Variants in MAGI2 observed in about 807,000 individuals in gnomAD.
MAGI2 encodes the protein membrane associated guanylate kinase, WW and PDZ domain containing 2, also known as membrane-associated guanylate kinase, WW and PDZ domain-containing protein 2.
MAGI2 carries 35 observed loss-of-function variants against 133.3 expected under a neutral mutation model. The observed-to-expected ratio is 0.26, with a 90% CI of 0.20 to 0.35. MAGI2 has a LOEUF of 0.35. MAGI2 is among the 10% of genes least tolerant of loss of function. The probability of loss-of-function intolerance (pLI) is 1.00; values close to 1 mark genes in which losing one functional copy is unlikely to be tolerated. For synonymous variants in MAGI2, 729 were observed against 710.6 expected, an observed-to-expected ratio of 1.03 and a Z score of -0.41; for missense variants, 1,636 against 1,863.4, an observed-to-expected ratio of 0.88 and a Z score of 2.25.
chr7:79,221,857 G>T (rs1585240767), intron 1 of MAGI2, among the ~76,000 whole-genome samples: 1 of 152,004 alleles, frequency 6.6e-6, no homozygotes, highest in Non-Finnish European at 1.5e-5. Context: ...ACACAGGAAA[G>T]ATGGATTGAT....
At chr7:78,738,424 T>C (rs1822077573) in intron 2 of MAGI2, among the ~76,000 whole-genome samples, 1 of 152,178 alleles carries the variant, frequency 6.6e-6, no homozygotes. Context: ...ATTTATGTTA[T>C]TTCAGGTAAA....
chr7:78,288,159 C>A (rs780493803), intron 9 of MAGI2, among the ~76,000 whole-genome samples: 6 of 152,130 alleles, frequency 3.9e-5, no homozygotes, highest in Non-Finnish European at 7.3e-5. Context: ...CCTGTAAATC[C>A]AGCAGTGCTT....
At chr7:78,901,140 A>T (rs1270486549) in intron 2 of MAGI2, 1 of 152,118 alleles carries the variant, frequency 6.6e-6, no homozygotes, top group Non-Finnish European at 1.5e-5. Flanking sequence ...TGTGAAAAAG[A>T]CCCCACTGTA....
At position 78,178,253 on chromosome 7, in the gene MAGI2, T is replaced by A. The variant is rs995735815; in HGVS notation, c.2312-151A>T. ...GAAACCATAGAGGATACAAAAAATA[T>A]GGCAGCAAAAAAGTAGGTGTTCCAA... is the stretch of plus-strand genomic sequence containing the variant. On this transcript the variant is annotated intron_variant, in intron 13 of 21. Coordinates refer to ENST00000354212, the MANE Select transcript of MAGI2 (RefSeq NM_012301.4). 1.7e-5 allele frequency: 9 copies of A among 536,952 alleles called. No individual in the cohort carries two copies. The Admixed American group carries it at 2.3e-4, about 13-fold the overall frequency. 33.3% of individuals were successfully genotyped at this position (536,952 alleles called of 1,614,324 possible).
chr7:78,937,688 T>C (rs1487883029), intron 2 of MAGI2, among the ~76,000 whole-genome samples: 1 of 152,124 alleles, frequency 6.6e-6, no homozygotes, highest in African/African-American at 2.4e-5. Flanking sequence ...ATTTAGTAGT[T>C]ACAGTGCAGT....
chr7:79,230,379 A>G (rs1256137014), intron 1 of MAGI2, among the ~76,000 whole-genome samples: 2 of 152,096 alleles, frequency 1.3e-5, no homozygotes, highest in South Asian at 4.2e-4. Context: ...CGACTTCCAC[A>G]ATGGTTGAAC....
chr7:78,604,869 T>C (rs539809010), intron 3 of MAGI2, among the ~76,000 whole-genome samples: 2 of 152,378 alleles, frequency 1.3e-5, no homozygotes, highest in East Asian at 1.9e-4. Context: ...TTTCTTAATA[T>C]CTATTCATGT....
chr7:78,503,798 T>A (rs1794855889), intron 4 of MAGI2, among the ~76,000 whole-genome samples: 1 of 150,926 alleles, frequency 6.6e-6, no homozygotes, highest in South Asian at 2.1e-4. Context: ...AGGTGGGCCG[T>A]TATGATTGAC....
At chr7:79,003,296 A>T (rs912101926) in intron 2 of MAGI2, among the ~76,000 whole-genome samples, 3 of 152,116 alleles carry the variant, frequency 2.0e-5, no homozygotes, top group African/African-American at 7.2e-5. Context: ...TTCCTTCCAG[A>T]TGTAGTTGGT....
chr7:79,321,943 C>T (rs976062115), intron 1 of MAGI2, among the ~76,000 whole-genome samples: 1 of 152,098 alleles, frequency 6.6e-6, no homozygotes, highest in African/African-American at 2.4e-5. Flanking sequence ...CAGCCTTACT[C>T]GAATGCAAGT....
intron 1 of MAGI2, among the ~76,000 whole-genome samples, chr7:79,084,453 G>A (rs1010720384): frequency 1.3e-5 from 2 of 151,618 alleles, no homozygotes; most frequent in African/African-American, 4.8e-5. Flanking sequence ...CATAGTTGTA[G>A]ATTTTCCAAA....
At chr7:78,544,461 T>C (rs1323060140) in intron 3 of MAGI2, among the ~76,000 whole-genome samples, 1 of 152,220 alleles carries the variant, frequency 6.6e-6, no homozygotes, top group East Asian at 1.9e-4. Flanking sequence ...GTTTGTCATT[T>C]GTAAGGTGGG....
intron 2 of MAGI2, among the ~76,000 whole-genome samples, chr7:78,766,236 G>T (rs1359750935): frequency 1.3e-5 from 2 of 152,202 alleles, no homozygotes; most frequent in Non-Finnish European, 2.9e-5. Flanking sequence ...TCTTTGAGTG[G>T]CTTCCAGAGT....
At chr7:78,442,315 T>C (rs1036098677) in intron 6 of MAGI2, among the ~76,000 whole-genome samples, 1 of 152,218 alleles carries the variant, frequency 6.6e-6, no homozygotes, top group Non-Finnish European at 1.5e-5. Context: ...ATGTGTCTTA[T>C]ACGAATCATC....
chr7:78,206,615 C>T (rs566004964), intron 10 of MAGI2, among the ~76,000 whole-genome samples: 1 of 152,282 alleles, frequency 6.6e-6, no homozygotes, highest in South Asian at 2.1e-4. Flanking sequence ...TCAAGATTTT[C>T]AGGAATTTTC....
chr7:78,783,005 T>C (rs1339739712), intron 2 of MAGI2, among the ~76,000 whole-genome samples: 1 of 149,746 alleles, frequency 6.7e-6, no homozygotes, highest in African/African-American at 2.5e-5. Context: ...TTGAAAATGA[T>C]TCTTACCTTT....
At chr7:78,293,292 C>T (rs1035047161) in intron 9 of MAGI2, among the ~76,000 whole-genome samples, 11 of 152,204 alleles carry the variant, frequency 7.2e-5, no homozygotes, top group African/African-American at 2.7e-4. Flanking sequence ...ACAGACACTT[C>T]TCAAAGGAAG....
chr7:79,203,664 G>T (rs376081483), intron 1 of MAGI2, among the ~76,000 whole-genome samples: 28 of 152,030 alleles, frequency 1.8e-4, no homozygotes, highest in African/African-American at 6.5e-4. Flanking sequence ...ATATTGACTT[G>T]CTCAGTGCTA....
intron 3 of MAGI2, among the ~76,000 whole-genome samples, chr7:78,561,540 T>C (rs895191472): frequency 3.9e-5 from 6 of 152,032 alleles, no homozygotes; most frequent in African/African-American, 1.2e-4. Flanking sequence ...TTTTTGCAAT[T>C]AAAAGTAATG....
Sources: gnomAD v4.1 joint callset for allele counts (sites outside exome capture counted in the v4.1 genomes callset) on GRCh38, gnomAD v4.1.1 for gene constraint, MANE v1.5 for transcripts, NCBI Gene and HGNC (gene_info 2026-07-23, HGNC 2026-07-21) for gene names.